AKAP13: variants seen among roughly 807,000 people sequenced by gnomAD.
The protein encoded by AKAP13 is A-kinase anchoring protein 13, also known as A-kinase anchor protein 13.
In AKAP13, 80 loss-of-function variants were observed where a neutral mutation model predicts 264.5. The observed-to-expected ratio is 0.30, with a 90% CI of 0.25 to 0.36. AKAP13 has a LOEUF of 0.36. Among genes scored for constraint, AKAP13 ranks in the 10% least tolerant of loss-of-function variants. AKAP13 has a pLI of 1.00. For synonymous variants in AKAP13, 1,380 were observed against 1,250.2 expected, an observed-to-expected ratio of 1.10 and a Z score of -2.19; for missense variants, 3,712 against 3,435.2, an observed-to-expected ratio of 1.08 and a Z score of -2.01.
At chr15:85,483,602 C>T (rs1214138165) in intron 1 of AKAP13, among the ~76,000 whole-genome samples, 8 of 134,286 alleles carry the variant, frequency 6.0e-5, no homozygotes, top group Non-Finnish European at 1.1e-4. Context: ...GTCCGCAGTC[C>T]GGCCTGGGCG....
At chr15:85,547,088 C>CT (rs2077778918) in intron 5 of AKAP13, among the ~76,000 whole-genome samples, 1 of 152,156 alleles carries the variant, frequency 6.6e-6, no homozygotes, top group South Asian at 2.1e-4. Flanking sequence ...CCCCACCCTG[C>CT]TTTTTAAAAA....
At chr15:85,420,240 C>CTT (rs539192886) in intron 1 of AKAP13, among the ~76,000 whole-genome samples, 4 of 146,500 alleles carry the variant, frequency 2.7e-5, no homozygotes, top group East Asian at 2.0e-4. Context: ...CGCGCCCGGC[C>CTT]TTTTTTTTTT....
chr15:85,448,848 C>T (rs1169704923), intron 1 of AKAP13, among the ~76,000 whole-genome samples: 21 of 129,594 alleles, frequency 1.6e-4, no homozygotes, highest in Admixed American at 3.8e-4. Context: ...GCTATTCAGG[C>T]TTTTTTTTTT....
Position 85,579,208 on chromosome 15 carries a change from G to C in AKAP13, c.1140G>C (p.Gly380=), listed in dbSNP as rs371689444. 1.9e-6 allele frequency: 3 copies of C among 1,614,228 alleles called. No individual in the cohort carries two copies. Among genetic ancestry groups the C allele is most frequent in the Non-Finnish European group, 2.5e-6 (3 of 1,180,046 alleles). Reference sequence around the variant, plus strand: ...AAAATAAAGGCGTGGAAAGAAAAGGGGAAGAGGTGGAGCCAGCACCTATTG... The same window carrying C: ...AAAATAAAGGCGTGGAAAGAAAAGGCGAAGAGGTGGAGCCAGCACCTATTG... ...RKKNKGVERK[G]EEVEPAPIVD... Residue 380 remains glycine (G), a synonymous_variant, in exon 7 of 37, where the codon GGG becomes GGC. Transcript: ENST00000394518.
chr15:85,627,927 A>G (rs1477682243), intron 8 of AKAP13, among the ~76,000 whole-genome samples: 1 of 152,146 alleles, frequency 6.6e-6, no homozygotes, highest in Non-Finnish European at 1.5e-5. Context: ...TCTTGCAAGC[A>G]TATTGTCCGC....
intron 10 of AKAP13, among the ~76,000 whole-genome samples, chr15:85,648,102 C>T (rs1461253500): frequency 6.6e-6 from 1 of 152,084 alleles, no homozygotes; most frequent in African/African-American, 2.4e-5. Flanking sequence ...GAATTCTGTT[C>T]CCCGCAAGGG....
chr15:85,491,198 G>T lies in AKAP13; in HGVS notation c.33+5445G>T, dbSNP rs1405708978. On this transcript the variant is annotated intron_variant, in intron 2 of 36. Transcript: ENST00000394518. ...ACAGACCACTGGATAATCTCCCTGG[G>T]CCTACCTTCCCTCACATCTGAACCC... Among the ~76,000 whole-genome samples, 4 of 152,006 alleles carry T rather than the reference G, an allele frequency of 2.6e-5. No individual in the cohort carries two copies. The East Asian group carries it at 5.8e-4, about 22-fold the overall frequency.
intron 17 of AKAP13, among the ~76,000 whole-genome samples, chr15:85,695,682 A>C (rs1023577951): frequency 6.6e-6 from 1 of 152,172 alleles, no homozygotes; most frequent in Admixed American, 6.5e-5. Flanking sequence ...AAACCATGAG[A>C]GCTCTCACCC....
chr15:85,662,401 C>A (rs1473709150), intron 12 of AKAP13: 1 of 1,614,002 alleles, frequency 6.2e-7, no homozygotes, highest in African/African-American at 1.3e-5. Flanking sequence ...GAGCTGGTGC[C>A]CCTCTGGTGT....
At chr15:85,546,318 CCAAA>C (rs756552983) in intron 5 of AKAP13, among the ~76,000 whole-genome samples, 1 of 54,172 alleles carries the variant, frequency 1.8e-5, no homozygotes, top group Non-Finnish European at 4.1e-5. Flanking sequence ...ATTGTTGTTA[CCAAA>C]CACACACACA....
chr15:85,553,738 A>G (rs2078043958), intron 5 of AKAP13, among the ~76,000 whole-genome samples: 1 of 152,232 alleles, frequency 6.6e-6, no homozygotes, highest in African/African-American at 2.4e-5. Flanking sequence ...GTTAGGACCC[A>G]GGTTGCACAG....
At chr15:85,649,757 C>CAT (rs917224503) in intron 10 of AKAP13, among the ~76,000 whole-genome samples, 1 of 152,052 alleles carries the variant, frequency 6.6e-6, no homozygotes, top group Non-Finnish European at 1.5e-5. Context: ...TAATCAATAG[C>CAT]ATAAAATTTA....
intron 1 of AKAP13, among the ~76,000 whole-genome samples, chr15:85,386,666 A>G (rs542861940): frequency 2.3e-4 from 35 of 152,124 alleles, no homozygotes; most frequent in African/African-American, 8.4e-4. Context: ...AAATGGTGCA[A>G]GGTATGCATT....
intron 8 of AKAP13, among the ~76,000 whole-genome samples, chr15:85,618,109 G>C (rs549528855): frequency 1.4e-4 from 22 of 152,280 alleles, no homozygotes; most frequent in Admixed American, 7.2e-4. Context: ...TTTTATTTCA[G>C]AATAAAGCCT....
chr15:85,559,036 T>C (rs1211543409), intron 5 of AKAP13, among the ~76,000 whole-genome samples: 1 of 152,016 alleles, frequency 6.6e-6, no homozygotes, highest in African/African-American at 2.4e-5. Flanking sequence ...CTTTATTCAG[T>C]TATATCATTC....
chr15:85,423,597 A>G (rs1441237471), intron 1 of AKAP13, among the ~76,000 whole-genome samples: 2 of 152,194 alleles, frequency 1.3e-5, no homozygotes, highest in African/African-American at 4.8e-5. Context: ...TGAAGTCTGG[A>G]ACCCCTCCAA....
intron 2 of AKAP13, among the ~76,000 whole-genome samples, chr15:85,494,344 T>C (rs1244483631): frequency 6.6e-6 from 1 of 152,152 alleles, no homozygotes; most frequent in Non-Finnish European, 1.5e-5. Flanking sequence ...AAAGGGTCTT[T>C]GGATGCCCCT....
chr15:85,560,309 G>A (rs1367828903), intron 5 of AKAP13, among the ~76,000 whole-genome samples: 1 of 151,982 alleles, frequency 6.6e-6, no homozygotes, highest in Non-Finnish European at 1.5e-5. Flanking sequence ...ACCAGGCCGG[G>A]CTAATTTTTT....
chr15:85,591,804 A>T (rs999773671), intron 8 of AKAP13, among the ~76,000 whole-genome samples: 1 of 152,130 alleles, frequency 6.6e-6, no homozygotes, highest in Non-Finnish European at 1.5e-5. Flanking sequence ...AAGTATCTCA[A>T]TAATAGTTCC....
Sources: gnomAD v4.1 joint callset for allele counts (sites outside exome capture counted in the v4.1 genomes callset) on GRCh38, gnomAD v4.1.1 for gene constraint, MANE v1.5 for transcripts, NCBI Gene and HGNC (gene_info 2026-07-23, HGNC 2026-07-21) for gene names.